Variants in KIF15 observed in about 807,000 individuals in gnomAD.
KIF15 encodes the protein kinesin family member 15, also known as kinesin-like protein KIF15.
Under a neutral mutation model 190.6 loss-of-function variants are expected in KIF15, and 140 were observed. The ratio of observed to expected loss-of-function variants is 0.73; its 90% CI spans 0.64 to 0.84. KIF15 has a LOEUF of 0.84. KIF15 is among the 40% of genes least tolerant of loss of function. KIF15 has a pLI of 0.00. For synonymous variants in KIF15, 528 were observed against 551.3 expected, an observed-to-expected ratio of 0.96 and a Z score of 0.59; for missense variants, 1,372 against 1,584.4, an observed-to-expected ratio of 0.87 and a Z score of 2.28.
chr3:44,865,631 C>T (rs1341738905), intron 6 of KIF15: 1 of 163,320 alleles, frequency 6.1e-6, no homozygotes, highest in Non-Finnish European at 1.3e-5. Flanking sequence ...AAGAGGAAAA[C>T]TGGATTAATA....
intron 15 of KIF15, among the ~76,000 whole-genome samples, 175 bp downstream of exon 15, chr3:44,805,343 A>G (rs1707448594): frequency 1.3e-5 from 2 of 152,232 alleles, no homozygotes; most frequent in Admixed American, 1.3e-4. Context: ...AATATATTCA[A>G]TGAACTAGGT....
downstream of KIF15, among the ~76,000 whole-genome samples, chr3:44,855,827 C>T (rs143674224): frequency 2.0e-4 from 31 of 152,110 alleles, 1 homozygote; most frequent in East Asian, 9.7e-4. Flanking sequence ...ATTGGGAGGA[C>T]GCAGGACATC....
At chr3:44,792,445 G>T (rs544693239) in intron 7 of KIF15, among the ~76,000 whole-genome samples, 13 of 152,056 alleles carry the variant, frequency 8.5e-5, no homozygotes, top group African/African-American at 3.1e-4. Flanking sequence ...CTACACTCCA[G>T]CCTGGGTAAC....
intron 22 of KIF15, 54 bp downstream of exon 22, chr3:44,826,514 A>T: frequency 8.2e-7 from 1 of 1,212,514 alleles, no homozygotes. Context: ...TTAATACCAC[A>T]TTCTTAATCT....
downstream of KIF15, among the ~76,000 whole-genome samples, chr3:44,857,573 G>A (rs575303864): frequency 1.3e-5 from 2 of 152,318 alleles, no homozygotes; most frequent in South Asian, 4.1e-4. Flanking sequence ...CTCTAAAGCT[G>A]TCTTCAAGGA....
chr3:44,779,268 G>A (rs1305835874), intron 4 of KIF15, among the ~76,000 whole-genome samples: 1 of 151,988 alleles, frequency 6.6e-6, no homozygotes, highest in Non-Finnish European at 1.5e-5. Flanking sequence ...TGTTTTCCCT[G>A]ACCTACGCCT....
At chr3:44,800,271 C>G (rs184405882) in intron 10 of KIF15, 43 bp from the exon 11 acceptor site, 9 of 1,592,304 alleles carry the variant, frequency 5.7e-6, no homozygotes, top group Non-Finnish European at 6.9e-6. Flanking sequence ...CTATACTACT[C>G]AAAAAGCATT....
intron 29 of KIF15, among the ~76,000 whole-genome samples, chr3:44,842,133 A>G (rs542173232): frequency 6.6e-6 from 1 of 152,366 alleles, no homozygotes; most frequent in East Asian, 1.9e-4. Flanking sequence ...TCTGTGAACA[A>G]TATCCATTAC....
rs372251985 is a variant in KIF15 at position 44,797,645 on chromosome 3, A to G, written c.944A>G (p.Tyr315Cys). The change falls in exon 9 of 35, where the codon TAC becomes TGC. Residue 315 changes from tyrosine (Y) to cysteine (C), a missense_variant. Tyr to Cys is a radical substitution (Grantham distance 194, BLOSUM62 -2). Coordinates refer to ENST00000326047, the MANE Select transcript of KIF15 (RefSeq NM_020242.3). ...AATGGAAAACAGAGACATGTTTGCT[A>G]CAGAGACTCCAAACTTACCTTCTTA... The part of the protein sequence containing the change: ...VGNGKQRHVC[Y>C]RDSKLTFLLR... 3 of 1,614,174 alleles carry G rather than the reference A, an allele frequency of 1.9e-6. No individual in the cohort carries two copies. Among genetic ancestry groups the G allele is most frequent in the Non-Finnish European group, 2.5e-6 (3 of 1,180,026 alleles).
At chr3:44,795,071 T>C (rs1706911454) in intron 8 of KIF15, among the ~76,000 whole-genome samples, 1 of 152,144 alleles carries the variant, frequency 6.6e-6, no homozygotes, top group Non-Finnish European at 1.5e-5. Context: ...GGAACAGAGA[T>C]TTCTTTTGTG....
intron 34 of KIF15, 112 bp from the exon 35 acceptor site, chr3:44,852,561 G>A: frequency 1.1e-6 from 1 of 878,944 alleles, no homozygotes; most frequent in East Asian, 2.7e-5. Flanking sequence ...TTTGCACATT[G>A]AAAATTCCAG....
chr3:44,862,111 A>G (rs1236188249), intron 6 of KIF15: 6 of 1,063,206 alleles, frequency 5.6e-6, no homozygotes, highest in Non-Finnish European at 6.8e-6. Flanking sequence ...GGCCTTCGGC[A>G]GCGAGGTCGA....
At chr3:44,824,212 A>C (rs905933500) in intron 20 of KIF15, among the ~76,000 whole-genome samples, 5 of 152,242 alleles carry the variant, frequency 3.3e-5, no homozygotes, top group Admixed American at 1.3e-4. Flanking sequence ...ATAGCATTTT[A>C]AAAATTGAGT....
At chr3:44,768,966 G>C (rs1009974283) in intron 1 of KIF15, among the ~76,000 whole-genome samples, 1 of 152,142 alleles carries the variant, frequency 6.6e-6, no homozygotes, top group Admixed American at 6.5e-5. Flanking sequence ...CCTTTTACTG[G>C]TTTGCACAGG....
intron 20 of KIF15, among the ~76,000 whole-genome samples, chr3:44,817,344 G>T (rs1435392782): frequency 6.6e-6 from 1 of 152,096 alleles, no homozygotes. Context: ...GTATTGCCTA[G>T]GTTTTCTTCT....
chr3:44,864,045 C>A (rs964275743), intron 6 of KIF15: 1 of 794,702 alleles, frequency 1.3e-6, no homozygotes, highest in Non-Finnish European at 2.0e-6. Flanking sequence ...TTAAGTGAAG[C>A]CCTGTGCAGG....
downstream of KIF15, among the ~76,000 whole-genome samples, chr3:44,855,214 G>T (rs1699176659): frequency 6.6e-6 from 1 of 152,190 alleles, no homozygotes; most frequent in South Asian, 2.1e-4. Context: ...GCAGGGGGTG[G>T]ATCTCACAAA....
chr3:44,828,409 A>G, intron 24 of KIF15, 109 bp downstream of exon 24: 2 of 710,450 alleles, frequency 2.8e-6, no homozygotes, highest in South Asian at 3.5e-5. Flanking sequence ...AATAGATAAT[A>G]TGAATATTTC....
chr3:44,799,910 C>T (rs1707184744), intron 10 of KIF15, among the ~76,000 whole-genome samples: 1 of 152,202 alleles, frequency 6.6e-6, no homozygotes, highest in African/African-American at 2.4e-5. Flanking sequence ...GGCTAGGCTC[C>T]TTCCCCGTAG....
Sources: allele counts gnomAD v4.1 joint callset (sites outside exome capture counted in the v4.1 genomes callset), GRCh38; gene constraint gnomAD v4.1.1; transcripts MANE v1.5; gene names NCBI Gene and HGNC (gene_info 2026-07-23, HGNC 2026-07-21).